The following SYT16 variants were observed in gnomAD, a reference collection of about 807,000 sequenced individuals.
SYT16 encodes the protein synaptotagmin-16.
In SYT16, 42 loss-of-function variants were observed where a neutral mutation model predicts 61.4. The ratio of observed to expected loss-of-function variants is 0.68; its 90% CI spans 0.53 to 0.89. SYT16 has a LOEUF of 0.89. Ranked by LOEUF, SYT16 falls within the 40% of genes least tolerant of loss-of-function variation. The pLI is 0.00. For synonymous variants in SYT16, 314 were observed against 302.3 expected, an observed-to-expected ratio of 1.04 and a Z score of -0.40; for missense variants, 804 against 807.3, an observed-to-expected ratio of 1.00 and a Z score of 0.05.
chr14:61,920,649 C>T (rs1207779362), intron 1 of SYT16, among the ~76,000 whole-genome samples: 2 of 152,180 alleles, frequency 1.3e-5, no homozygotes, highest in Admixed American at 6.5e-5. Context: ...TCAACGCAGA[C>T]TTCCTCCTGA....
chr14:62,081,151 G>A lies in SYT16; in HGVS notation c.1311G>A (p.Leu437=), dbSNP rs2056693167. The change falls in exon 6 of 8, where the codon CTG becomes CTA. Residue 437 remains leucine (L), a synonymous_variant. Transcript: ENST00000683842. ...DVAACAVRFR[L]YAARKMTRER... is the part of the protein sequence containing the mutation. ...CTGCCTGTGCTGTCCGCTTCCGCCT[G>A]TACGCTGCCCGGAAGATGACCCGAG... 1 of 1,613,942 alleles carries A rather than the reference G, an allele frequency of 6.2e-7. No individual in the cohort carries two copies. The highest frequency in any genetic ancestry group is 1.1e-5 in the South Asian group (1 of 91,054).
At chr14:61,907,637 C>A (rs1302923867) in intron 1 of SYT16, among the ~76,000 whole-genome samples, 2 of 152,200 alleles carry the variant, frequency 1.3e-5, no homozygotes, top group East Asian at 3.9e-4. Context: ...TGCTACATCT[C>A]CCCAGAGTGT....
At chr14:61,851,325 G>A (rs998611489) in intron 1 of SYT16, among the ~76,000 whole-genome samples, 1 of 152,156 alleles carries the variant, frequency 6.6e-6, no homozygotes, top group Non-Finnish European at 1.5e-5. Context: ...GGGCATTTAG[G>A]TTGACTCCAT....
intron 1 of SYT16, among the ~76,000 whole-genome samples, chr14:61,855,515 A>G (rs2046746031): frequency 6.6e-6 from 1 of 152,200 alleles, no homozygotes; most frequent in African/African-American, 2.4e-5. Flanking sequence ...TAAATTATTG[A>G]ATATCTCATG....
intron 1 of SYT16, among the ~76,000 whole-genome samples, chr14:61,937,248 A>C (rs1209827507): frequency 6.6e-6 from 1 of 152,246 alleles, no homozygotes; most frequent in Non-Finnish European, 1.5e-5. Flanking sequence ...TGCTGGAGCA[A>C]GGCCAGTGTT....
chr14:61,926,902 CT>C (rs1164826412), intron 1 of SYT16, among the ~76,000 whole-genome samples: 1 of 152,066 alleles, frequency 6.6e-6, no homozygotes, highest in Non-Finnish European at 1.5e-5. Context: ...AGTTTCTATG[CT>C]TTTTAAAAAC....
At chr14:61,946,694 G>T (rs1321198755) in intron 1 of SYT16, among the ~76,000 whole-genome samples, 3 of 152,294 alleles carry the variant, frequency 2.0e-5, no homozygotes, top group Non-Finnish European at 4.4e-5. Flanking sequence ...TACTCTTTCA[G>T]AGGCTTTCTG....
chr14:61,847,069 C>T (rs2046466051), intron 1 of SYT16, among the ~76,000 whole-genome samples: 1 of 151,950 alleles, frequency 6.6e-6, no homozygotes, highest in Non-Finnish European at 1.5e-5. Context: ...TTTAATCTTT[C>T]TACTTAAGAC....
chr14:61,930,084 T>C (rs990288937), intron 1 of SYT16, among the ~76,000 whole-genome samples: 2 of 152,172 alleles, frequency 1.3e-5, no homozygotes, highest in African/African-American at 4.8e-5. Context: ...TCACATCTTA[T>C]CTAGGGCTTC....
intron 7 of SYT16, among the ~76,000 whole-genome samples, chr14:62,100,045 G>C (rs1338825472): frequency 1.3e-5 from 2 of 152,194 alleles, no homozygotes; most frequent in Non-Finnish European, 2.9e-5. Context: ...TATTTATCTT[G>C]TTACATAAAT....
chr14:61,922,757 G>T (rs545594492), intron 1 of SYT16, among the ~76,000 whole-genome samples: 1 of 152,216 alleles, frequency 6.6e-6, no homozygotes, highest in South Asian at 2.1e-4. Flanking sequence ...CAAAGAAGTG[G>T]ACTATTTGTA....
At chr14:61,854,836 G>A (rs1594764031) in intron 1 of SYT16, among the ~76,000 whole-genome samples, 2 of 149,042 alleles carry the variant, frequency 1.3e-5, no homozygotes, top group East Asian at 3.9e-4. Context: ...AAAAACTGTT[G>A]CTTATTCTTT....
chr14:62,027,742 A>G (rs945872632), intron 3 of SYT16, among the ~76,000 whole-genome samples: 3 of 152,174 alleles, frequency 2.0e-5, no homozygotes, highest in Admixed American at 6.5e-5. Context: ...ATTGAATCAG[A>G]CATGGATCCC....
At chr14:61,814,551 T>G (rs1285169203) in intron 1 of SYT16, among the ~76,000 whole-genome samples, 1 of 152,216 alleles carries the variant, frequency 6.6e-6, no homozygotes, top group Non-Finnish European at 1.5e-5. Flanking sequence ...AGATTGATGT[T>G]TCTTCTACTT....
intron 1 of SYT16, among the ~76,000 whole-genome samples, chr14:61,885,808 C>T (rs2047876590): frequency 6.6e-6 from 1 of 152,112 alleles, no homozygotes; most frequent in Admixed American, 6.5e-5. Flanking sequence ...TTAAGAAGTA[C>T]ATACCTTAAT....
intron 7 of SYT16, among the ~76,000 whole-genome samples, chr14:62,086,882 G>A (rs1005494781): frequency 3.9e-5 from 6 of 152,202 alleles, no homozygotes; most frequent in African/African-American, 7.2e-5. Context: ...CAATGCTGCC[G>A]TGATGCTAGT....
chr14:61,816,732 C>T (rs1240651138), intron 1 of SYT16, among the ~76,000 whole-genome samples: 5 of 152,158 alleles, frequency 3.3e-5, no homozygotes, highest in East Asian at 1.9e-4. Context: ...CCACTCTTGG[C>T]CGGGCGCGGT....
chr14:61,838,890 G>T (rs184271193), intron 1 of SYT16, among the ~76,000 whole-genome samples: 36 of 152,276 alleles, frequency 2.4e-4, no homozygotes, highest in African/African-American at 3.6e-4. Flanking sequence ...CAGGCCTAAG[G>T]CTTCTGCAGC....
chr14:61,881,212 A>G (rs1566648699), intron 1 of SYT16, among the ~76,000 whole-genome samples: 1 of 152,180 alleles, frequency 6.6e-6, no homozygotes, highest in Non-Finnish European at 1.5e-5. Context: ...CCAGTAACAT[A>G]CAAATGTGCT....
Sources: gnomAD v4.1 joint callset for allele counts (sites outside exome capture counted in the v4.1 genomes callset) on GRCh38, gnomAD v4.1.1 for gene constraint, MANE v1.5 for transcripts, NCBI Gene and HGNC (gene_info 2026-07-23, HGNC 2026-07-21) for gene names.